HTD2: variants seen among roughly 807,000 people sequenced by gnomAD.
HTD2 encodes hydroxyacyl-thioester dehydratase type 2, mitochondrial.
In HTD2, 1 loss-of-function variant was observed where a neutral mutation model predicts 3.1. The ratio of observed to expected loss-of-function variants is 0.32; its 90% CI spans 0.11 to 1.52. The LOEUF (loss-of-function observed/expected upper bound fraction) is 1.52, where lower values mean the gene tolerates loss of function less well. Ranked by LOEUF, HTD2 falls within the 40% of genes most tolerant of loss-of-function variation. HTD2 has a pLI of 0.39. For missense variants in HTD2, 150 were observed against 79.6 expected (o/e 1.88, Z -3.36); for synonymous variants, 50 against 28.9 (o/e 1.73, Z -2.34).
intron 2 of HTD2, among the ~76,000 whole-genome samples, chr3:58,314,444 G>C (rs2097486039): frequency 6.6e-6 from 1 of 152,152 alleles, no homozygotes; most frequent in Admixed American, 6.6e-5. Flanking sequence ...CAGACATTTT[G>C]CTAAAGAGAA....
rs369455737 is a variant in HTD2, at chr3:58,316,134, A to G, written c.-330-381A>G. Among the ~76,000 whole-genome samples the G allele has an allele frequency of 2.1e-3, 320 of 152,384 alleles. 2 individuals are homozygous for G. Among genetic ancestry groups the G allele is most frequent in the Middle Eastern group, 3.4e-3 (1 of 294 alleles). ...AACAAACAGACATGGCCTCTGCCACATGGACTAATGTCTTGGTTCTTGTAG... is the reference window on the plus strand; with the variant it reads ...AACAAACAGACATGGCCTCTGCCACGTGGACTAATGTCTTGGTTCTTGTAG... On this transcript the variant is annotated intron_variant, in intron 2 of 4. Transcript: ENST00000461393.
intron 2 of HTD2, among the ~76,000 whole-genome samples, chr3:58,313,366 A>G (rs1341691236): frequency 3.3e-5 from 5 of 152,268 alleles, no homozygotes; most frequent in Non-Finnish European, 5.9e-5. Flanking sequence ...ATAGACCAGC[A>G]TTTTAAGCAA....
chr3:58,319,438 C>A lies in HTD2; in HGVS notation c.*1318C>A, dbSNP rs2097492117. On this transcript the variant is annotated 3_prime_UTR_variant, in exon 5 of 5. Transcript: ENST00000461393. Reference sequence around the variant, plus strand: ...AGCTACTATTATTGTTGCCCATTTCCCCTGCAACTGAGGTGAGAGGTTTTC... The same window carrying A: ...AGCTACTATTATTGTTGCCCATTTCACCTGCAACTGAGGTGAGAGGTTTTC... The A allele has an allele frequency of 6.6e-6, 1 of 152,174 alleles. No individual in the cohort carries two copies. Among genetic ancestry groups the A allele is most frequent in the Non-Finnish European group, 1.5e-5 (1 of 68,034 alleles). 9.4% of individuals were successfully genotyped at this position (152,174 alleles called of 1,614,324 possible).
chr3:58,317,056 A>G, intron 4 of HTD2, 63 bp downstream of exon 4: 3 of 1,146,254 alleles, frequency 2.6e-6, no homozygotes, highest in Non-Finnish European at 3.9e-6. Context: ...GCTTCTTAAT[A>G]TACACAACTC....
At position 58,318,992 on chromosome 3, in the gene HTD2, C is replaced by CA. The variant is rs376125456; in HGVS notation, c.*886dup. The CA allele has an allele frequency of 1.6e-3, 192 of 116,370 alleles. No individual in the cohort carries two copies. Among genetic ancestry groups the CA allele is most frequent in the East Asian group, 6.2e-3 (24 of 3,874 alleles). The allele number at this position is 116,370 out of a possible 1,614,324, so 7.2% of individuals were successfully genotyped here. On this transcript the variant is annotated 3_prime_UTR_variant, in exon 5 of 5. Transcript: ENST00000461393. ...TGGGTGACAGAGCAAAACTCCACCT[C>CA]AAAAAAAAAAAAAAGATTCTACTTT...
At chr3:58,307,838 C>T (rs1463941787) in intron 1 of HTD2, 5 of 151,658 alleles carry the variant, frequency 3.3e-5, no homozygotes, top group South Asian at 4.2e-4. Context: ...GAACAGCCTG[C>T]AGAGGGCAGT....
At chr3:58,310,157 T>C in intron 1 of HTD2, 1 of 607,012 alleles carries the variant, frequency 1.6e-6, no homozygotes, top group East Asian at 2.8e-5. Flanking sequence ...CAGTGAACTC[T>C]GATTGTACCA....
intron 2 of HTD2, among the ~76,000 whole-genome samples, chr3:58,312,460 G>A (rs998809418): frequency 6.6e-6 from 1 of 151,316 alleles, no homozygotes; most frequent in African/African-American, 2.4e-5. Context: ...TTTTAAAACT[G>A]TGTTTGAAAT....
chr3:58,311,211 A>G (rs1044796164), intron 2 of HTD2, among the ~76,000 whole-genome samples: 9 of 151,826 alleles, frequency 5.9e-5, no homozygotes, highest in Middle Eastern at 3.4e-3. Context: ...CTGGAGTGCA[A>G]TGGCACATTC....
chr3:58,311,471 T>G (rs1194622478), intron 2 of HTD2, among the ~76,000 whole-genome samples: 1 of 152,160 alleles, frequency 6.6e-6, no homozygotes, highest in African/African-American at 2.4e-5. Flanking sequence ...CTTTTTTAGC[T>G]CTCACATATG....
At position 58,318,169 on chromosome 3, in the gene HTD2, G is replaced by C; in HGVS notation, c.*49G>C. The C allele has an allele frequency of 1.6e-6, 1 of 609,808 alleles. No individual in the cohort carries two copies. The highest frequency in any genetic ancestry group is 2.0e-5 in the South Asian group (1 of 50,016). 37.8% of individuals were successfully genotyped at this position (609,808 alleles called of 1,614,324 possible). A position where few individuals can be genotyped will look rare whatever the true frequency, so the allele number is the denominator to read the frequency against. On this transcript the variant is annotated 3_prime_UTR_variant, in exon 5 of 5. Transcript: ENST00000461393. ...CTCAAACACCAATGCTGTTGTTAAAGAGCCTATGGGGAATTGCTGCTCTTT... is the reference window on the plus strand; with the variant it reads ...CTCAAACACCAATGCTGTTGTTAAACAGCCTATGGGGAATTGCTGCTCTTT...
chr3:58,318,165 T>TA lies in HTD2; in HGVS notation c.*48dup. ...CAACCTCAAACACCAATGCTGTTGT[T>TA]AAAGAGCCTATGGGGAATTGCTGCT... On this transcript the variant is annotated 3_prime_UTR_variant, in exon 5 of 5. Transcript: ENST00000461393. The TA allele has an allele frequency of 1.6e-6, 1 of 612,474 alleles. No individual in the cohort carries two copies. Among genetic ancestry groups the TA allele is most frequent in the Non-Finnish European group, 2.9e-6 (1 of 346,192 alleles). 37.9% of individuals were successfully genotyped at this position (612,474 alleles called of 1,614,324 possible).
At chr3:58,312,766 G>T (rs2097483703) in intron 2 of HTD2, among the ~76,000 whole-genome samples, 1 of 151,974 alleles carries the variant, frequency 6.6e-6, no homozygotes, top group South Asian at 2.1e-4. Flanking sequence ...TTTGAGACTA[G>T]CCTGGCCAAC....
intron 2 of HTD2, among the ~76,000 whole-genome samples, chr3:58,310,981 A>G (rs1559793412): frequency 7.0e-6 from 1 of 143,642 alleles, no homozygotes; most frequent in African/African-American, 2.9e-5. Context: ...AAAAAAAAAA[A>G]TAAATTATAC....
chr3:58,310,092 C>T (rs2097480456), intron 1 of HTD2: 1 of 522,530 alleles, frequency 1.9e-6, no homozygotes, highest in Non-Finnish European at 3.4e-6. Context: ...CCCAGCTACT[C>T]AGGAGTCTGA....
chr3:58,314,398 C>T (rs952720059), intron 2 of HTD2, among the ~76,000 whole-genome samples: 1 of 152,026 alleles, frequency 6.6e-6, no homozygotes, highest in African/African-American at 2.4e-5. Context: ...AGAACTCAAC[C>T]AAACAATTCA....
Position 58,316,975 on chromosome 3 carries a change from T to G in HTD2, c.-193T>G. On this transcript the variant is annotated 5_prime_UTR_variant, in exon 4 of 5. Coordinates refer to ENST00000461393, the MANE Select transcript of HTD2 (RefSeq NM_001348712.2). The stretch of plus-strand genomic sequence containing the variant: ...TAGGATCCTATAAAGGCAAAAAATG[T>G]GCTTTCCGGGTGATTCAGGTAAAGA... 6.2e-7 allele frequency: 1 copy of G among 1,613,882 alleles called. No homozygotes were observed. Among genetic ancestry groups the G allele is most frequent in the Non-Finnish European group, 8.5e-7 (1 of 1,179,784 alleles).
intron 2 of HTD2, among the ~76,000 whole-genome samples, chr3:58,311,461 C>G (rs1479253546): frequency 1.3e-5 from 2 of 152,072 alleles, no homozygotes; most frequent in Non-Finnish European, 2.9e-5. Context: ...GCAAGATCTG[C>G]TTTTTTAGCT....
At chr3:58,308,712 C>G (rs985581362) in intron 1 of HTD2, among the ~76,000 whole-genome samples, 2 of 152,200 alleles carry the variant, frequency 1.3e-5, no homozygotes, top group Admixed American at 1.3e-4. Flanking sequence ...GCTCTGTGAC[C>G]TTGGATAAGT....
Sources: gnomAD v4.1 joint callset for allele counts (sites outside exome capture counted in the v4.1 genomes callset) on GRCh38, gnomAD v4.1.1 for gene constraint, MANE v1.5 for transcripts, NCBI Gene and HGNC (gene_info 2026-07-23, HGNC 2026-07-21) for gene names.